Variants in TAFA1 observed in about 807,000 individuals in gnomAD.
TAFA1 encodes the protein TAFA chemokine like family member 1.
In TAFA1, 4 loss-of-function variants were observed where a neutral mutation model predicts 18.5. The observed-to-expected ratio is 0.22, with a 90% CI of 0.11 to 0.49. The LOEUF (loss-of-function observed/expected upper bound fraction) is 0.49. Ranked by LOEUF, TAFA1 falls within the 20% of genes least tolerant of loss-of-function variation. The pLI is 0.98. For synonymous variants in TAFA1, 56 were observed against 55.2 expected, an observed-to-expected ratio of 1.01 and a Z score of -0.06; for missense variants, 147 against 169.0, an observed-to-expected ratio of 0.87 and a Z score of 0.72.
At chr3:68,413,033 C>G (rs1281376226) in intron 2 of TAFA1, among the ~76,000 whole-genome samples, 2 of 151,976 alleles carry the variant, frequency 1.3e-5, no homozygotes, top group South Asian at 4.2e-4. Context: ...TCCTCTCCAG[C>G]ACCTGTTGTT....
At chr3:67,997,286 A>G in the TAFA1 span, among the ~76,000 whole-genome samples, 6 of 152,206 alleles carry the variant, frequency 3.9e-5, no homozygotes, top group Non-Finnish European at 8.8e-5. Flanking sequence ...TATACCAGAT[A>G]CACTGATATG....
intron 2 of TAFA1, among the ~76,000 whole-genome samples, chr3:68,322,937 T>C (rs1378880614): frequency 1.3e-5 from 2 of 152,084 alleles, no homozygotes; most frequent in African/African-American, 4.8e-5. Context: ...AGCAAGACTC[T>C]GTCTCAAAAA....
intron 2 of TAFA1, among the ~76,000 whole-genome samples, chr3:68,299,590 C>G (rs540948929): frequency 6.6e-6 from 1 of 152,320 alleles, no homozygotes; most frequent in African/African-American, 2.4e-5. Context: ...GCATAAGTAA[C>G]CAGGAGCCAA....
intron 2 of TAFA1, among the ~76,000 whole-genome samples, chr3:68,383,042 A>G (rs141793509): frequency 0.011 from 1,666 of 152,226 alleles, 13 homozygotes; most frequent in Non-Finnish European, 0.017. Flanking sequence ...TGATTTTTGT[A>G]CATTGATTTT....
chr3:68,328,480 G>A (rs2068811301), intron 2 of TAFA1, among the ~76,000 whole-genome samples: 1 of 152,152 alleles, frequency 6.6e-6, no homozygotes, highest in South Asian at 2.1e-4. Flanking sequence ...TGGGGAAAAT[G>A]TCTGCTGGGC....
chr3:68,421,422 T>C (rs181058801), intron 3 of TAFA1, among the ~76,000 whole-genome samples: 6 of 152,294 alleles, frequency 3.9e-5, no homozygotes, highest in African/African-American at 1.4e-4. Flanking sequence ...TTTGGTGGCC[T>C]AGATCTCTAA....
At chr3:68,164,798 A>T (rs1331221108) in intron 2 of TAFA1, among the ~76,000 whole-genome samples, 1 of 152,200 alleles carries the variant, frequency 6.6e-6, no homozygotes, top group Non-Finnish European at 1.5e-5. Context: ...CTTGGAATGT[A>T]ACTGAATTTA....
At chr3:68,020,323 C>A (rs189036257) in intron 2 of TAFA1, among the ~76,000 whole-genome samples, 1 of 151,900 alleles carries the variant, frequency 6.6e-6, no homozygotes, top group African/African-American at 2.4e-5. Context: ...CTAGGCCAAC[C>A]GGGAGTTTAC....
chr3:68,264,665 A>ATGAAAGTCTTTATCAG (rs2067505655), intron 2 of TAFA1, among the ~76,000 whole-genome samples: 1 of 152,180 alleles, frequency 6.6e-6, no homozygotes, highest in South Asian at 2.1e-4. Flanking sequence ...AACACAGTCA[A>ATGAAAGTCTTTATCAG]TGAAAGTCTT....
chr3:68,033,210 A>G (rs1704974711), intron 2 of TAFA1, among the ~76,000 whole-genome samples: 1 of 152,108 alleles, frequency 6.6e-6, no homozygotes, highest in Admixed American at 6.6e-5. Flanking sequence ...TATAAAAGTG[A>G]GCACTCGTAT....
chr3:68,471,614 C>T (rs1225829358), intron 3 of TAFA1, among the ~76,000 whole-genome samples: 1 of 152,132 alleles, frequency 6.6e-6, no homozygotes, highest in Non-Finnish European at 1.5e-5. Context: ...TTAGCCAGTC[C>T]AGTGTTTCTA....
chr3:68,044,297 A>G (rs1212692575), intron 2 of TAFA1, among the ~76,000 whole-genome samples: 3 of 152,206 alleles, frequency 2.0e-5, no homozygotes. Context: ...CAATGATGGT[A>G]GGGACTTTTG....
chr3:68,057,583 C>T (rs1421977018), intron 2 of TAFA1, among the ~76,000 whole-genome samples: 2 of 152,012 alleles, frequency 1.3e-5, no homozygotes, highest in Non-Finnish European at 2.9e-5. Context: ...AAGGGCTCTC[C>T]CTAAAGATGT....
At chr3:68,359,557 G>A (rs2069433018) in intron 2 of TAFA1, among the ~76,000 whole-genome samples, 1 of 151,922 alleles carries the variant, frequency 6.6e-6, no homozygotes, top group Non-Finnish European at 1.5e-5. Context: ...ATTCACCATG[G>A]AATGTGGGCA....
rs116634026 is a variant in TAFA1, at chr3:68,196,202, G to A, written c.118+189458G>A. On this transcript the variant is annotated intron_variant, in intron 2 of 4. Transcript: ENST00000478136. ...CCGGCCTTGACTTTCTTCTGTTCAC[G>A]TAACTTGTAACTTTCCCCTAAGTCT... Among the ~76,000 whole-genome samples the A allele has an allele frequency of 8.4e-3, 1,276 of 151,790 alleles. 23 individuals are homozygous for A. Among genetic ancestry groups the A allele is most frequent in the African/African-American group, 0.029 (1,195 of 41,484 alleles).
chr3:68,127,803 A>AGTGGTG (rs962627844), intron 2 of TAFA1, among the ~76,000 whole-genome samples: 4 of 106,698 alleles, frequency 3.7e-5, no homozygotes, highest in African/African-American at 7.8e-5. Context: ...TGCTGATGGC[A>AGTGGTG]GTGGTGGTGG....
At chr3:68,179,939 T>A (rs1338811068) in intron 2 of TAFA1, among the ~76,000 whole-genome samples, 3 of 151,684 alleles carry the variant, frequency 2.0e-5, no homozygotes, top group Non-Finnish European at 4.4e-5. Flanking sequence ...GCTTAAACTC[T>A]ATGAACAAAT....
chr3:68,367,880 G>A (rs188442072), intron 2 of TAFA1, among the ~76,000 whole-genome samples: 1 of 152,030 alleles, frequency 6.6e-6, no homozygotes, highest in Non-Finnish European at 1.5e-5. Context: ...CAACTGCTTG[G>A]GTGAAGGGAG....
At chr3:68,002,836 A>T (rs190320561), upstream of TAFA1, among the ~76,000 whole-genome samples, 5,056 of 149,756 alleles carry the variant, frequency 0.034, 118 homozygotes, top group Non-Finnish European at 0.054. Flanking sequence ...TGTGAAACAG[A>T]GATAATAATA....
Sources: gnomAD v4.1 joint callset for allele counts (sites outside exome capture counted in the v4.1 genomes callset) on GRCh38, gnomAD v4.1.1 for gene constraint, MANE v1.5 for transcripts, NCBI Gene and HGNC (gene_info 2026-07-23, HGNC 2026-07-21) for gene names.